UTRN: variants seen among roughly 807,000 people sequenced by gnomAD.
The protein encoded by UTRN is dystrophin-related protein 1.
Under a neutral mutation model 463.9 loss-of-function variants are expected in UTRN, and 283 were observed. The ratio of observed to expected loss-of-function variants is 0.61; its 90% CI spans 0.55 to 0.67. The LOEUF (loss-of-function observed/expected upper bound fraction) is 0.67, where lower values mean the gene tolerates loss of function less well. UTRN is among the 30% of genes least tolerant of loss of function. The pLI is 0.00. For missense variants in UTRN, 3,922 were observed against 4,084.3 expected (o/e 0.96, Z 1.08); for synonymous variants, 1,442 against 1,431.5 (o/e 1.01, Z -0.17).
chr6:144,370,649 A>T (rs1213377534), intron 2 of UTRN, among the ~76,000 whole-genome samples: 2 of 152,158 alleles, frequency 1.3e-5, no homozygotes, highest in African/African-American at 4.8e-5. Context: ...CAGACCCCAG[A>T]ATGGTAGATC....
intron 9 of UTRN, 76 bp from the exon 10 acceptor site, chr6:144,435,859 G>A (rs552249364): frequency 1.5e-5 from 23 of 1,511,964 alleles, no homozygotes; most frequent in Middle Eastern, 4.7e-4. Flanking sequence ...CTTTGGGTTC[G>A]CCATACAGTG....
intron 45 of UTRN, among the ~76,000 whole-genome samples, chr6:144,540,563 T>C (rs770682576): frequency 6.6e-6 from 1 of 152,188 alleles, no homozygotes; most frequent in Non-Finnish European, 1.5e-5. Flanking sequence ...TCAACATCTC[T>C]CCTTAAATGT....
At chr6:144,291,295 G>A (rs905181998) in intron 1 of UTRN, among the ~76,000 whole-genome samples, 2 of 152,166 alleles carry the variant, frequency 1.3e-5, no homozygotes, top group African/African-American at 4.8e-5. Context: ...TTCTTTGACT[G>A]CTCCATGATT....
intron 9 of UTRN, among the ~76,000 whole-genome samples, chr6:144,434,052 C>G (rs1786261568): frequency 1.3e-5 from 2 of 152,234 alleles, no homozygotes; most frequent in Non-Finnish European, 2.9e-5. Context: ...GCCTGGGCAC[C>G]ATTGAGCGCT....
chr6:144,722,728 A>G (rs1299042249), intron 53 of UTRN, among the ~76,000 whole-genome samples: 1 of 152,148 alleles, frequency 6.6e-6, no homozygotes, highest in Non-Finnish European at 1.5e-5. Context: ...CTAAATAAAC[A>G]TATGTGACTA....
Position 144,577,509 on chromosome 6 carries a change from A to G in UTRN, c.7479+221A>G, listed in dbSNP as rs114175024. Among the ~76,000 whole-genome samples the G allele has an allele frequency of 3.8e-3, 584 of 152,270 alleles. 4 individuals carry two copies. The highest frequency in any genetic ancestry group is 0.013 in the African/African-American group (544 of 41,538). On this transcript the variant is annotated intron_variant, in intron 51 of 74. Transcript: ENST00000367545. ...CCCACCTTGTTTTATGGAAGTAATA[A>G]TTGTTTATTTAGAGTTAGAGGCTCA...
At chr6:144,470,887 G>A (rs934925586) in intron 23 of UTRN, among the ~76,000 whole-genome samples, 6 of 151,742 alleles carry the variant, frequency 4.0e-5, no homozygotes, top group Admixed American at 6.6e-5. Context: ...CCAGTCAGGC[G>A]TGGCGGCGCG....
intron 62 of UTRN, among the ~76,000 whole-genome samples, chr6:144,792,412 T>C (rs1776839673): frequency 6.6e-6 from 1 of 152,160 alleles, no homozygotes; most frequent in Admixed American, 6.5e-5. Flanking sequence ...CTGGGTGTGG[T>C]GGTGCATGCC....
intron 50 of UTRN, among the ~76,000 whole-genome samples, chr6:144,572,722 T>A (rs1801066068): frequency 6.6e-6 from 1 of 152,228 alleles, no homozygotes; most frequent in Admixed American, 6.5e-5. Flanking sequence ...GCAAAGGACA[T>A]GAACTCATTC....
chr6:144,511,702 G>A (rs1449564237), intron 35 of UTRN, among the ~76,000 whole-genome samples: 1 of 152,112 alleles, frequency 6.6e-6, no homozygotes, highest in Non-Finnish European at 1.5e-5. Context: ...TTTAGATTTT[G>A]CTATGATTAT....
chr6:144,383,621 T>C (rs935170006), intron 2 of UTRN, among the ~76,000 whole-genome samples: 8 of 152,298 alleles, frequency 5.3e-5, no homozygotes, highest in African/African-American at 1.9e-4. Context: ...CTGGGCGGAA[T>C]TGAGCCAAAT....
chr6:144,496,637 G>T (rs946386948), intron 33 of UTRN, among the ~76,000 whole-genome samples: 1 of 152,180 alleles, frequency 6.6e-6, no homozygotes, highest in African/African-American at 2.4e-5. Context: ...CAGTGATGAG[G>T]AAAGATATAA....
At chr6:144,435,044 C>G (rs1283864460) in intron 9 of UTRN, among the ~76,000 whole-genome samples, 1 of 152,126 alleles carries the variant, frequency 6.6e-6, no homozygotes, top group East Asian at 1.9e-4. Context: ...TTGGTAAAAG[C>G]CTTTTCAGTT....
chr6:144,601,093 A>G lies in UTRN; in HGVS notation c.7479+23805A>G, dbSNP rs147432014. Among the ~76,000 whole-genome samples the G allele has an allele frequency of 2.1e-3, 317 of 152,306 alleles. 2 individuals are homozygous for G. Among genetic ancestry groups the G allele is most frequent in the African/African-American group, 6.0e-3 (251 of 41,580 alleles). On this transcript the variant is annotated intron_variant, in intron 51 of 74. Transcript: ENST00000367545. The stretch of plus-strand genomic sequence containing the variant: ...TGCTCAGAAAAAAAGATTCTTTTCA[A>G]AATATTACTGCTATTGACAATGTAC...
At chr6:144,741,358 A>T (rs1790051649) in intron 54 of UTRN, among the ~76,000 whole-genome samples, 1 of 151,276 alleles carries the variant, frequency 6.6e-6, no homozygotes, top group African/African-American at 2.4e-5. Context: ...TGAATCTAAA[A>T]CTCCTGTCCT....
chr6:144,441,314 C>CA (rs768838586), intron 13 of UTRN, among the ~76,000 whole-genome samples: 1 of 152,188 alleles, frequency 6.6e-6, no homozygotes, highest in East Asian at 1.9e-4. Context: ...ACAATGGGGG[C>CA]ACAGGCAAAG....
At chr6:144,653,806 C>A (rs980417719) in intron 51 of UTRN, among the ~76,000 whole-genome samples, 1 of 152,128 alleles carries the variant, frequency 6.6e-6, no homozygotes, top group East Asian at 1.9e-4. Context: ...AAGTTATATG[C>A]ATTTTAACAT....
chr6:144,562,310 T>C (rs2128618153), intron 50 of UTRN, among the ~76,000 whole-genome samples: 1 of 152,254 alleles, frequency 6.6e-6, no homozygotes, highest in South Asian at 2.1e-4. Context: ...ATTACCTAGG[T>C]AGTAAGTCCA....
intron 51 of UTRN, among the ~76,000 whole-genome samples, chr6:144,599,983 T>G (rs1334421630): frequency 1.3e-5 from 2 of 152,218 alleles, no homozygotes; most frequent in Non-Finnish European, 2.9e-5. Flanking sequence ...TTTTCATTAT[T>G]ATTATATATT....
Sources: gnomAD v4.1 joint callset for allele counts (sites outside exome capture counted in the v4.1 genomes callset) on GRCh38, gnomAD v4.1.1 for gene constraint, MANE v1.5 for transcripts, NCBI Gene and HGNC (gene_info 2026-07-23, HGNC 2026-07-21) for gene names.